Variants in NTNG1 observed in about 807,000 individuals in gnomAD.
NTNG1 encodes netrin-G1.
In NTNG1, 16 loss-of-function variants were observed where a neutral mutation model predicts 54.0. The ratio of observed to expected loss-of-function variants is 0.30; its 90% CI spans 0.20 to 0.45. The LOEUF is 0.45. Ranked by LOEUF, NTNG1 falls within the 20% of genes least tolerant of loss-of-function variation. The pLI, the probability that NTNG1 is intolerant of heterozygous loss-of-function variation, is 1.00. For missense variants in NTNG1, 530 were observed against 678.7 expected, an observed-to-expected ratio of 0.78 and a Z score of 2.43; for synonymous variants, 255 against 263.1, an observed-to-expected ratio of 0.97 and a Z score of 0.30.
intron 3 of NTNG1, among the ~76,000 whole-genome samples, chr1:107,388,716 A>T (rs1672178822): frequency 6.6e-6 from 1 of 152,156 alleles, no homozygotes; most frequent in South Asian, 2.1e-4. Flanking sequence ...CAGGCTGTCT[A>T]TTTCAGTGTC....
chr1:107,182,598 A>G (rs1022927896), intron 2 of NTNG1, among the ~76,000 whole-genome samples: 28 of 152,194 alleles, frequency 1.8e-4, no homozygotes, highest in African/African-American at 6.3e-4. Context: ...GGTCCTAGTA[A>G]ACTTCCAATC....
At chr1:107,413,593 G>A (rs1473256636) in intron 5 of NTNG1, among the ~76,000 whole-genome samples, 2 of 151,966 alleles carry the variant, frequency 1.3e-5, no homozygotes, top group African/African-American at 2.4e-5. Context: ...TTTAAGTAAG[G>A]TTCACTAACA....
At chr1:107,162,383 G>T (rs1342549606) in intron 2 of NTNG1, among the ~76,000 whole-genome samples, 1 of 151,984 alleles carries the variant, frequency 6.6e-6, no homozygotes, top group Non-Finnish European at 1.5e-5. Context: ...AAGAAATCAT[G>T]TTTCTCTTAT....
chr1:107,351,526 C>G (rs1463858844), intron 3 of NTNG1, among the ~76,000 whole-genome samples: 1 of 152,168 alleles, frequency 6.6e-6, no homozygotes. Flanking sequence ...CTCATAAGAA[C>G]TCACCTGTAC....
At chr1:107,156,988 T>C (rs779910832) in intron 2 of NTNG1, among the ~76,000 whole-genome samples, 1 of 152,134 alleles carries the variant, frequency 6.6e-6, no homozygotes, top group Non-Finnish European at 1.5e-5. Flanking sequence ...CAGTGAGAAA[T>C]AGATTTTATG....
chr1:107,306,139 T>C (rs72983576), intron 2 of NTNG1, among the ~76,000 whole-genome samples: 1,968 of 152,290 alleles, frequency 0.013, 40 homozygotes, highest in African/African-American at 0.045. Context: ...ACTACTATCC[T>C]ATAGAAATAT....
chr1:107,310,121 G>A (rs1666919323), intron 2 of NTNG1, among the ~76,000 whole-genome samples: 1 of 152,152 alleles, frequency 6.6e-6, no homozygotes, highest in Non-Finnish European at 1.5e-5. Context: ...AAAAGAGAAT[G>A]TGGTTCACTT....
At chr1:107,472,640 C>T (rs1252237069) in intron 7 of NTNG1, among the ~76,000 whole-genome samples, 1 of 152,166 alleles carries the variant, frequency 6.6e-6, no homozygotes, top group East Asian at 1.9e-4. Context: ...TTTTATGACG[C>T]TCAGCCAATG....
intron 2 of NTNG1, among the ~76,000 whole-genome samples, chr1:107,245,845 A>C (rs1266426048): frequency 4.6e-5 from 7 of 152,182 alleles, no homozygotes; most frequent in African/African-American, 1.7e-4. Flanking sequence ...TACCTATCCC[A>C]AAAATTGTTC....
chr1:107,300,158 A>C (rs763496463), intron 2 of NTNG1, among the ~76,000 whole-genome samples: 17 of 152,192 alleles, frequency 1.1e-4, no homozygotes, highest in Non-Finnish European at 1.6e-4. Flanking sequence ...TTCAAAAATA[A>C]TTAAACGCAC....
At chr1:107,314,444 T>TAAA (rs869200363) in intron 2 of NTNG1, among the ~76,000 whole-genome samples, 4 of 116,424 alleles carry the variant, frequency 3.4e-5, no homozygotes, top group African/African-American at 1.4e-4. Flanking sequence ...AATAAATAAA[T>TAAA]AAAAATGAGA....
intron 3 of NTNG1, among the ~76,000 whole-genome samples, chr1:107,391,804 G>A (rs913310280): frequency 2.0e-5 from 3 of 152,124 alleles, no homozygotes; most frequent in African/African-American, 7.2e-5. Flanking sequence ...AAGCCTTCAT[G>A]AGAGATCTGC....
intron 7 of NTNG1, among the ~76,000 whole-genome samples, chr1:107,477,233 T>C (rs184752272): frequency 1.3e-5 from 2 of 152,292 alleles, no homozygotes; most frequent in East Asian, 3.9e-4. Context: ...CTTAAACCTC[T>C]AGGGAAGGAG....
intron 2 of NTNG1, among the ~76,000 whole-genome samples, chr1:107,206,265 G>A (rs1042221676): frequency 3.3e-5 from 5 of 152,092 alleles, no homozygotes; most frequent in Non-Finnish European, 7.4e-5. Flanking sequence ...CAGAATGTAT[G>A]AAATTTCTAG....
At chr1:107,268,154 G>C (rs1372764473) in intron 2 of NTNG1, among the ~76,000 whole-genome samples, 1 of 152,094 alleles carries the variant, frequency 6.6e-6, no homozygotes, top group South Asian at 2.1e-4. Flanking sequence ...AAATCTGACT[G>C]TACTTCATAT....
At chr1:107,356,846 T>C (rs1293251864) in intron 3 of NTNG1, among the ~76,000 whole-genome samples, 1 of 151,938 alleles carries the variant, frequency 6.6e-6, no homozygotes, top group African/African-American at 2.4e-5. Context: ...CTAAAAAATA[T>C]ATAAAAGTTA....
chr1:107,318,378 G>A (rs892137929), intron 2 of NTNG1, among the ~76,000 whole-genome samples: 1 of 151,990 alleles, frequency 6.6e-6, no homozygotes, highest in Non-Finnish European at 1.5e-5. Context: ...TGGCCCTAAA[G>A]CACAGAGGTA....
chr1:107,296,876 G>C lies in NTNG1; in HGVS notation c.247-27406G>C, dbSNP rs190676575. 3.2e-3 allele frequency among the ~76,000 whole-genome samples: 470 copies of C among 148,872 alleles called. 3 individuals are homozygous for C. Among genetic ancestry groups the C allele is most frequent in the African/African-American group, 0.011 (446 of 40,924 alleles). ...AGATAATCAGAGTACTTACCCTACAGGTTCCTTTTAAGACTTTACATGTCT... is the reference window on the plus strand; with the variant it reads ...AGATAATCAGAGTACTTACCCTACACGTTCCTTTTAAGACTTTACATGTCT... On this transcript the variant is annotated intron_variant, in intron 2 of 7. Coordinates refer to ENST00000370068, the MANE Select transcript of NTNG1 (RefSeq NM_001113226.3).
intron 2 of NTNG1, among the ~76,000 whole-genome samples, chr1:107,252,676 C>T (rs551159628): frequency 6.6e-6 from 1 of 152,274 alleles, no homozygotes; most frequent in South Asian, 2.1e-4. Context: ...GGCTTTGCAT[C>T]TGGGCTCCCT....
Sources: allele counts gnomAD v4.1 joint callset (sites outside exome capture counted in the v4.1 genomes callset), GRCh38; gene constraint gnomAD v4.1.1; transcripts MANE v1.5; gene names NCBI Gene and HGNC (gene_info 2026-07-23, HGNC 2026-07-21).